The following ZNF585B variants were observed in gnomAD, a reference collection of about 807,000 sequenced individuals.
ZNF585B encodes zinc finger protein 585B.
A neutral mutation model predicts 14.0 loss-of-function variants in ZNF585B; 7 were observed. That is an observed-to-expected ratio of 0.50 (90% CI 0.28 to 0.94). ZNF585B has a LOEUF of 0.94. Ranked by LOEUF, ZNF585B falls within the 40% of genes least tolerant of loss-of-function variation. The probability of loss-of-function intolerance (pLI) is 0.09; values close to 1 mark genes in which losing one functional copy is unlikely to be tolerated. For synonymous variants in ZNF585B, 290 were observed against 317.3 expected, an observed-to-expected ratio of 0.91 and a Z score of 0.91; for missense variants, 750 against 924.4, an observed-to-expected ratio of 0.81 and a Z score of 2.45.
intron 1 of ZNF585B, among the ~76,000 whole-genome samples, chr19:37,207,775 C>G (rs1199964568): frequency 6.6e-6 from 1 of 152,090 alleles, no homozygotes; most frequent in Non-Finnish European, 1.5e-5. Flanking sequence ...TTACCATGCA[C>G]TATATTAAAA....
chr19:37,181,971 C>T lies in ZNF585B; in HGVS notation c.*3256G>A, dbSNP rs1013401392. 6 of 152,038 alleles carry T rather than the reference C, an allele frequency of 3.9e-5. No individual in the cohort carries two copies. The highest frequency in any genetic ancestry group is 5.9e-5 in the Non-Finnish European group (4 of 68,020). 9.4% of individuals were successfully genotyped at this position (152,038 alleles called of 1,614,324 possible). A position where few individuals can be genotyped will look rare whatever the true frequency, so the allele number is the denominator to read the frequency against. ...CCACAGAATGCACATCAAGACTGAA[C>T]CCTAATTAAACCATGGACTTTGGCC... On this transcript the variant is annotated 3_prime_UTR_variant, in exon 5 of 5. Coordinates refer to ENST00000532828, the MANE Select transcript of ZNF585B (RefSeq NM_152279.4).
At chr19:37,198,233 G>A (rs1450281339) in intron 2 of ZNF585B, among the ~76,000 whole-genome samples, 4 of 152,118 alleles carry the variant, frequency 2.6e-5, no homozygotes, top group East Asian at 2.0e-4. Context: ...GTGTAATGGC[G>A]TGATCTTGGC....
At position 37,186,806 on chromosome 19, in the gene ZNF585B, C is replaced by G. The variant is rs746293517; in HGVS notation, c.731G>C (p.Cys244Ser). 3.7e-6 allele frequency: 6 copies of G among 1,614,146 alleles called. No individual in the cohort carries two copies. The Admixed American group carries it at 8.3e-5, about 22-fold the overall frequency. The change falls in exon 5 of 5, where the codon TGC becomes TCC. Residue 244 changes from cysteine (C) to serine (S), a missense_variant. Physicochemically the swap from Cys to Ser is moderately radical, Grantham distance 112. Transcript: ENST00000532828. ...TGTGAACGCTTTGCCACAGTCAGTG[C>G]ATTCATGGTGTCTCTCTCCAGTATG... ...KIHTGERHHE[C>S]TDCGKAFTQK... is the part of the protein sequence containing the mutation.
chr19:37,193,420 G>A (rs1048148241), intron 2 of ZNF585B, among the ~76,000 whole-genome samples: 3 of 150,778 alleles, frequency 2.0e-5, no homozygotes, highest in Admixed American at 6.6e-5. Flanking sequence ...GCAGTGGGCC[G>A]AGATTGCACC....
chr19:37,186,935 A>G lies in ZNF585B; in HGVS notation c.602T>C (p.Leu201Pro), dbSNP rs773550135. Reference sequence around the variant, plus strand: ...GGTATGAATTCTGTGATGCCTGAAAAGAGACGATACTTGAAAAAAGGATTT... The same window carrying G: ...GGTATGAATTCTGTGATGCCTGAAAGGAGACGATACTTGAAAAAAGGATTT... ...CGKSFFQVSS[L>P]FRHHRIHTGE... The change falls in exon 5 of 5, where the codon CTT becomes CCT. Residue 201 changes from leucine to proline, a missense_variant. By Grantham distance (98) the Leu-to-Pro change is moderately conservative. Coordinates refer to ENST00000532828, the MANE Select transcript of ZNF585B (RefSeq NM_152279.4). The G allele has an allele frequency of 6.2e-7, 1 of 1,614,176 alleles. No homozygotes were observed.
Position 37,186,886 on chromosome 19 carries a change from A to C in ZNF585B, c.651T>G (p.Ser217Arg), listed in dbSNP as rs764729531. The change falls in exon 5 of 5, where the codon AGT (serine) becomes AGG (arginine). Residue 217 changes from serine to arginine, a missense_variant. This residue lies in a region of ZNF585B where 517 missense variants were observed against 570.3 expected (regional missense o/e 0.91). Coordinates refer to ENST00000532828, the MANE Select transcript of ZNF585B (RefSeq NM_152279.4). ...TATAAGGGAAACCTTTCCCACATTC[A>C]CTACATTCATATAGTTTTTCTCCGG... ...IHTGEKLYEC[S>R]ECGKGFPYNS... is the part of the protein sequence containing the mutation. 1.2e-6 allele frequency: 2 copies of C among 1,613,810 alleles called. No homozygotes were observed. Among genetic ancestry groups the C allele is most frequent in the African/African-American group, 2.7e-5 (2 of 74,888 alleles).
At chr19:37,191,887 G>C (rs556821931) in intron 2 of ZNF585B, among the ~76,000 whole-genome samples, 1 of 152,152 alleles carries the variant, frequency 6.6e-6, no homozygotes, top group Admixed American at 6.5e-5. Flanking sequence ...CAAAAAATTA[G>C]CCGGGCATGG....
chr19:37,207,725 C>T (rs1425358842), intron 1 of ZNF585B, among the ~76,000 whole-genome samples: 1 of 152,124 alleles, frequency 6.6e-6, no homozygotes, highest in Admixed American at 6.5e-5. Context: ...GTACTCAATG[C>T]CTCCCTGCCA....
chr19:37,199,917 C>A (rs1972512487), intron 2 of ZNF585B, among the ~76,000 whole-genome samples: 1 of 151,832 alleles, frequency 6.6e-6, no homozygotes, highest in African/African-American at 2.4e-5. Flanking sequence ...GTGGCACATG[C>A]CTGTAATCCC....
In ZNF585B at chr19:37,187,219, T is replaced by C. The variant is rs765700941; in HGVS notation, c.318A>G (p.Gln106=). The part of the protein sequence containing the change: ...CPGEKLWDHN[Q]HRKIIGYKPA... Reference sequence around the variant, plus strand: ...GTTTATAACCGATGATTTTTCTATGTTGATTATGGTCCCATAATTTCTCTC... The same window carrying C: ...GTTTATAACCGATGATTTTTCTATGCTGATTATGGTCCCATAATTTCTCTC... Residue 106 remains glutamine, a synonymous_variant, in exon 5 of 5, where the codon CAA becomes CAG. Coordinates refer to ENST00000532828, the MANE Select transcript of ZNF585B (RefSeq NM_152279.4). 6.2e-7 allele frequency: 1 copy of C among 1,609,394 alleles called. No homozygotes were observed. Among genetic ancestry groups the C allele is most frequent in the African/African-American group, 1.3e-5 (1 of 74,576 alleles).
intron 2 of ZNF585B, among the ~76,000 whole-genome samples, chr19:37,205,352 C>T (rs1373914405): frequency 4.6e-5 from 7 of 152,182 alleles, no homozygotes; most frequent in Admixed American, 3.9e-4. Context: ...CACCACGTGA[C>T]TAGAACCCTG....
At chr19:37,196,717 T>G (rs1972468551) in intron 2 of ZNF585B, among the ~76,000 whole-genome samples, 1 of 152,170 alleles carries the variant, frequency 6.6e-6, no homozygotes, top group Admixed American at 6.6e-5. Context: ...AATAAATATA[T>G]TTTCTCTTCC....
At chr19:37,195,012 C>G (rs1410849590) in intron 2 of ZNF585B, among the ~76,000 whole-genome samples, 1 of 151,902 alleles carries the variant, frequency 6.6e-6, no homozygotes, top group Non-Finnish European at 1.5e-5. Flanking sequence ...AGTTAAATGA[C>G]CTATAGGTCA....
Position 37,187,042 on chromosome 19 carries a change from C to G in ZNF585B, c.495G>C (p.Arg165Ser), listed in dbSNP as rs1188811213. ...TGAATTCTGGCTTCTGTACAAAAGC[C>G]CTCCCACATTCAATACATACATAGA... is the stretch of plus-strand genomic sequence containing the variant. ...EKLYVCIECG[R>S]AFVQKPEFIT... The change falls in exon 5 of 5, where the codon AGG becomes AGC. Residue 165 changes from arginine to serine, a missense_variant. Physicochemically the swap from Arg to Ser is moderately radical, Grantham distance 110. This residue lies in a region of ZNF585B where 517 missense variants were observed against 570.3 expected (regional missense o/e 0.91). Coordinates refer to ENST00000532828, the MANE Select transcript of ZNF585B (RefSeq NM_152279.4). 1.2e-6 allele frequency: 2 copies of G among 1,612,964 alleles called. No individual in the cohort carries two copies. The highest frequency in any genetic ancestry group is 3.3e-5 in the Admixed American group (2 of 59,782).
At chr19:37,205,359 C>T (rs1440277204) in intron 2 of ZNF585B, among the ~76,000 whole-genome samples, 2 of 152,114 alleles carry the variant, frequency 1.3e-5, no homozygotes, top group East Asian at 3.8e-4. Context: ...TGACTAGAAC[C>T]CTGAAATGAA....
chr19:37,203,471 T>A (rs1417862955), intron 2 of ZNF585B, among the ~76,000 whole-genome samples: 1 of 106,370 alleles, frequency 9.4e-6, no homozygotes, highest in Non-Finnish European at 1.9e-5. Flanking sequence ...CATAGTAAGA[T>A]CTTGTCACAA....
At chr19:37,191,955 G>C (rs1158799255) in intron 2 of ZNF585B, among the ~76,000 whole-genome samples, 1 of 152,062 alleles carries the variant, frequency 6.6e-6, no homozygotes, top group African/African-American at 2.4e-5. Context: ...GCTTGAACCT[G>C]GGAGGCGGAG....
At chr19:37,188,358 T>C (rs888947214) in intron 4 of ZNF585B, among the ~76,000 whole-genome samples, 16 of 152,192 alleles carry the variant, frequency 1.1e-4, no homozygotes, top group Non-Finnish European at 1.6e-4. Flanking sequence ...TGGTGGCTCA[T>C]GCCTGTAATC....
intron 1 of ZNF585B, among the ~76,000 whole-genome samples, chr19:37,209,281 T>A (rs1972620606): frequency 6.6e-6 from 1 of 151,954 alleles, no homozygotes; most frequent in African/African-American, 2.4e-5. Flanking sequence ...ATTTTTGTAT[T>A]TTTGGTTAGA....
Sources: gnomAD v4.1 joint callset for allele counts (sites outside exome capture counted in the v4.1 genomes callset) on GRCh38, gnomAD v4.1.1 for gene constraint, gnomAD v4.1.1 regional missense constraint, MANE v1.5 for transcripts, NCBI Gene and HGNC (gene_info 2026-07-23, HGNC 2026-07-21) for gene names.